The following ZFP3 variants were observed in gnomAD, a reference collection of about 807,000 sequenced individuals.
ZFP3 encodes the protein ZFP3 zinc finger protein, also known as zinc finger protein 3 homolog.
ZFP3 carries 18 observed loss-of-function variants against 36.7 expected under a neutral mutation model. That is an observed-to-expected ratio of 0.49 (90% CI 0.34 to 0.73). The LOEUF is 0.73. ZFP3 is among the 30% of genes least tolerant of loss of function. ZFP3 has a pLI of 0.01. For synonymous variants in ZFP3, 218 were observed against 199.0 expected, an observed-to-expected ratio of 1.10 and a Z score of -0.81; for missense variants, 495 against 599.0, an observed-to-expected ratio of 0.83 and a Z score of 1.81.
Position 5,092,214 on chromosome 17 carries a change from A to G in ZFP3, c.710A>G (p.Asn237Ser). The G allele has an allele frequency of 6.2e-7, 1 of 1,614,166 alleles. No individual in the cohort carries two copies. The change falls in exon 2 of 2, where the codon AAT (asparagine) becomes AGT (serine). Residue 237 changes from asparagine to serine, a missense_variant. Asn to Ser is a conservative substitution (Grantham distance 46). Transcript: ENST00000318833. This position sits in a 1 kb window ranked among gnomAD's most constrained non-coding sequence, Gnocchi z 5.0. ...GAATGTGGTAAAGCCTTCAGTCAAA[A>G]TTCAGCCCTTATTCTACACCAGAGA... ...CEECGKAFSQ[N>S]SALILHQRIH...
intron 1 of ZFP3, among the ~76,000 whole-genome samples, chr17:5,080,453 G>C (rs1473795777): frequency 6.6e-6 from 1 of 152,086 alleles, no homozygotes; most frequent in Non-Finnish European, 1.5e-5. Context: ...AAATATTTTT[G>C]CTCACATACC....
At chr17:5,086,029 C>T (rs945305763) in intron 1 of ZFP3, among the ~76,000 whole-genome samples, 2 of 152,168 alleles carry the variant, frequency 1.3e-5, no homozygotes, top group Non-Finnish European at 2.9e-5. Flanking sequence ...TGGATTCTTA[C>T]AATTGTATAG....
chr17:5,086,850 C>T (rs1401529782), intron 1 of ZFP3, among the ~76,000 whole-genome samples: 1 of 150,890 alleles, frequency 6.6e-6, no homozygotes, highest in Admixed American at 6.6e-5. Flanking sequence ...GCCTCAGCTT[C>T]CCGAGTAGCT....
At chr17:5,087,215 G>A (rs1344310200) in intron 1 of ZFP3, among the ~76,000 whole-genome samples, 1 of 151,688 alleles carries the variant, frequency 6.6e-6, no homozygotes, top group Non-Finnish European at 1.5e-5. Flanking sequence ...CGAGTAGCTG[G>A]AACTACAGGC....
At position 5,092,829 on chromosome 17, in the gene ZFP3, T is replaced by TC; in HGVS notation, c.1325_1326insC (p.His443SerfsTer8). 4 of 1,614,126 alleles carry TC rather than the reference T, an allele frequency of 2.5e-6. No homozygotes were observed. Among genetic ancestry groups the TC allele is most frequent in the Non-Finnish European group, 3.4e-6 (4 of 1,180,018 alleles). ...TCTGAGCTGCTTCTCCACCAGAAAATTCATATTGGAGAGAAACCTTATGAA... is the reference window on the plus strand; with the variant it reads ...TCTGAGCTGCTTCTCCACCAGAAAATCTCATATTGGAGAGAAACCTTATGAA... On this transcript the variant is annotated frameshift_variant, in exon 2 of 2. Coordinates refer to ENST00000318833, the MANE Select transcript of ZFP3 (RefSeq NM_153018.3). LOFTEE classifies it high-confidence loss of function. The surrounding 1 kb of genome is among the most constrained non-coding windows in gnomAD (Gnocchi z 5.0).
chr17:5,082,797 C>T (rs1030998547), intron 1 of ZFP3, among the ~76,000 whole-genome samples: 6 of 152,094 alleles, frequency 3.9e-5, no homozygotes, highest in South Asian at 2.1e-4. Flanking sequence ...CTCAAAGTGC[C>T]GGGATTATAG....
intron 1 of ZFP3, among the ~76,000 whole-genome samples, chr17:5,082,603 C>T (rs1408504888): frequency 1.3e-5 from 2 of 152,142 alleles, no homozygotes; most frequent in African/African-American, 4.8e-5. Flanking sequence ...TCATAGCTCA[C>T]TGCATCCTTC....
intron 1 of ZFP3, among the ~76,000 whole-genome samples, chr17:5,089,191 C>CT (rs1265514966): frequency 1.3e-5 from 2 of 152,168 alleles, no homozygotes; most frequent in Non-Finnish European, 2.9e-5. Context: ...TTATTTCTCT[C>CT]TTAGATAAAT....
At chr17:5,086,255 C>T (rs1417767176) in intron 1 of ZFP3, among the ~76,000 whole-genome samples, 1 of 152,098 alleles carries the variant, frequency 6.6e-6, no homozygotes, top group Non-Finnish European at 1.5e-5. Flanking sequence ...GGGAGGGGGG[C>T]ATTACCAGGC....
intron 1 of ZFP3, among the ~76,000 whole-genome samples, chr17:5,088,642 GT>G (rs1366198841): frequency 1.3e-5 from 2 of 151,796 alleles, no homozygotes; most frequent in African/African-American, 4.8e-5. Flanking sequence ...TAGAGACGGG[GT>G]TTCACCGTGT....
At chr17:5,091,169 T>A (rs909454464) in intron 1 of ZFP3, among the ~76,000 whole-genome samples, 1 of 152,218 alleles carries the variant, frequency 6.6e-6, no homozygotes, top group African/African-American at 2.4e-5. Context: ...ATCCACTGTT[T>A]AGCATGTCCA....
chr17:5,088,380 A>G (rs571269413), intron 1 of ZFP3, among the ~76,000 whole-genome samples: 1 of 150,576 alleles, frequency 6.6e-6, no homozygotes, highest in South Asian at 2.1e-4. Context: ...CTTCCTCCCC[A>G]CTGCTACTAG....
rs892722566 is a variant in ZFP3 at position 5,096,102 on chromosome 17, C to A, written c.*3089C>A. 2 of 167,080 alleles carry A rather than the reference C, an allele frequency of 1.2e-5. No homozygotes were observed. Among genetic ancestry groups the A allele is most frequent in the African/African-American group, 4.8e-5 (2 of 41,444 alleles). The allele number at this position is 167,080 out of a possible 1,614,324, so 10.3% of individuals were successfully genotyped here. A position where few individuals can be genotyped will look rare whatever the true frequency, so the allele number is the denominator to read the frequency against. ...CTCTTTTCCTTCTGTTTGCCTCCCT[C>A]TTCGACTTACTTGGGAGTCAGCATC... On this transcript the variant is annotated 3_prime_UTR_variant, in exon 2 of 2. Transcript: ENST00000318833.
In ZFP3 at chr17:5,092,060, C is replaced by T. The variant is rs1174714802; in HGVS notation, c.556C>T (p.Arg186Trp). The T allele has an allele frequency of 7.4e-6, 12 of 1,614,062 alleles. No individual in the cohort carries two copies. The highest frequency in any genetic ancestry group is 6.7e-5 in the East Asian group (3 of 44,898). The change falls in exon 2 of 2, where the codon CGG becomes TGG. Residue 186 changes from arginine to tryptophan, a missense_variant. By Grantham distance (101) the Arg-to-Trp change is moderately radical. Coordinates refer to ENST00000318833, the MANE Select transcript of ZFP3 (RefSeq NM_153018.3). The surrounding 1 kb of genome is among the most constrained non-coding windows in gnomAD (Gnocchi z 5.0). The part of the protein sequence containing the change: ...KTFGTNSSLR[R>W]HLRIHAGEKP... The stretch of plus-strand genomic sequence containing the variant: ...ATTTGGAACTAATTCAAGCCTTCGA[C>T]GGCACCTGAGAATTCATGCTGGAGA...
In ZFP3 at chr17:5,094,938, G is replaced by A. The variant is rs1320383048; in HGVS notation, c.*1925G>A. ...AATTTAAAAGATAAGAAGGGGCAGT[G>A]TTAAGTAATTGACCCATGATTCCAC... On this transcript the variant is annotated 3_prime_UTR_variant, in exon 2 of 2. Coordinates refer to ENST00000318833, the MANE Select transcript of ZFP3 (RefSeq NM_153018.3). The A allele has an allele frequency of 6.0e-6, 1 of 167,110 alleles. No homozygotes were observed. The highest frequency in any genetic ancestry group is 1.5e-5 in the Non-Finnish European group (1 of 68,126). 10.4% of individuals were successfully genotyped at this position (167,110 alleles called of 1,614,324 possible).
intron 1 of ZFP3, among the ~76,000 whole-genome samples, chr17:5,088,518 G>A (rs1041313963): frequency 1.4e-5 from 2 of 147,096 alleles, no homozygotes; most frequent in Non-Finnish European, 3.0e-5. Context: ...GTTTCACCGT[G>A]TGAGCCAGGA....
Position 5,086,724 on chromosome 17 carries a change from C to CTTT in ZFP3, c.-8-4754_-8-4752dup, listed in dbSNP as rs5819008. Among the ~76,000 whole-genome samples, 321 of 110,578 alleles carry CTTT rather than the reference C, an allele frequency of 2.9e-3. 1 individual carries two copies. Among genetic ancestry groups the CTTT allele is most frequent in the Non-Finnish European group, 3.3e-3 (182 of 54,818 alleles). The allele number at this position is 110,578 out of a possible 152,430, so 72.5% of individuals were successfully genotyped here. ...TATTGTCTCAGTACACATTTTCTTTCTTTTTTTTTTTTTTTTTTTTTGAGA... is the reference window on the plus strand; with the variant it reads ...TATTGTCTCAGTACACATTTTCTTTCTTTTTTTTTTTTTTTTTTTTTTTTGAGA... On this transcript the variant is annotated intron_variant, in intron 1 of 1. Coordinates refer to ENST00000318833, the MANE Select transcript of ZFP3 (RefSeq NM_153018.3).
chr17:5,080,123 C>T (rs528173576), intron 1 of ZFP3, among the ~76,000 whole-genome samples: 1 of 152,082 alleles, frequency 6.6e-6, no homozygotes, highest in South Asian at 2.1e-4. Flanking sequence ...TTTTTCTGAG[C>T]TTTAGCTGCC....
rs2072158999 is a variant in ZFP3, at chr17:5,093,003, G to C, written c.1499G>C (p.Cys500Ser). 5.7e-6 allele frequency: 9 copies of C among 1,576,390 alleles called. No individual in the cohort carries two copies. In the East Asian group the frequency reaches 1.6e-4, roughly 28 times the overall value. The change falls in exon 2 of 2, where the codon TGT becomes TCT. Residue 500 changes from cysteine (C) to serine (S), a missense_variant. Coordinates refer to ENST00000318833, the MANE Select transcript of ZFP3 (RefSeq NM_153018.3). ...CTCCTCCGACATCAAAGTGTTCACTGTATGGAGTAATCTGCAAAATAGGAA... is the reference window on the plus strand; with the variant it reads ...CTCCTCCGACATCAAAGTGTTCACTCTATGGAGTAATCTGCAAAATAGGAA... ...SHLLRHQSVH[C>S]ME
Sources: gnomAD v4.1 joint callset for allele counts (sites outside exome capture counted in the v4.1 genomes callset) on GRCh38, gnomAD v4.1.1 for gene constraint, Gnocchi (gnomAD v3.1) non-coding constraint, MANE v1.5 for transcripts, NCBI Gene and HGNC (gene_info 2026-07-23, HGNC 2026-07-21) for gene names.